Variants in STK32B observed in about 807,000 individuals in gnomAD.
STK32B encodes serine/threonine kinase 32B.
In STK32B, 43 loss-of-function variants were observed where a neutral mutation model predicts 52.6. That is an observed-to-expected ratio of 0.82 (90% CI 0.64 to 1.05). STK32B has a LOEUF of 1.05. STK32B is among the 50% of genes least tolerant of loss of function. The pLI is 0.00. For missense variants in STK32B, 621 were observed against 534.6 expected, an observed-to-expected ratio of 1.16 and a Z score of -1.59; for synonymous variants, 238 against 204.3, an observed-to-expected ratio of 1.17 and a Z score of -1.41.
At chr4:5,303,087 G>A (rs1729674509) in intron 3 of STK32B, among the ~76,000 whole-genome samples, 1 of 151,832 alleles carries the variant, frequency 6.6e-6, no homozygotes, top group Non-Finnish European at 1.5e-5. Context: ...TTGATTGATG[G>A]GCATTTGGGC....
intron 2 of STK32B, among the ~76,000 whole-genome samples, chr4:5,154,810 G>A (rs972185137): frequency 2.6e-5 from 4 of 152,220 alleles, no homozygotes; most frequent in Non-Finnish European, 4.4e-5. Flanking sequence ...TAAAGGCTCA[G>A]TAAGTGCTGG....
chr4:5,265,823 A>C (rs949967488), intron 3 of STK32B, among the ~76,000 whole-genome samples: 2 of 152,034 alleles, frequency 1.3e-5, no homozygotes, highest in Admixed American at 6.6e-5. Context: ...TTGATATTCC[A>C]AGTGTTTTCC....
At chr4:5,131,518 C>A (rs183014507) in intron 1 of STK32B, among the ~76,000 whole-genome samples, 2 of 152,292 alleles carry the variant, frequency 1.3e-5, no homozygotes, top group African/African-American at 4.8e-5. Context: ...AGAGCCCTTA[C>A]CCCAGCCTGT....
Position 5,144,804 on chromosome 4 carries a change from C to T in STK32B, c.108+4844C>T, listed in dbSNP as rs556663120. 1.2e-3 allele frequency among the ~76,000 whole-genome samples: 171 copies of T among 147,414 alleles called. 2 individuals carry two copies. Among genetic ancestry groups the T allele is most frequent in the African/African-American group, 4.4e-3 (163 of 37,108 alleles). Reference sequence around the variant, plus strand: ...TTCACTCATCCATCCATCCATCCATCCATCCATCCATCCATCCATCCATCC... The same window carrying T: ...TTCACTCATCCATCCATCCATCCATTCATCCATCCATCCATCCATCCATCC... On this transcript the variant is annotated intron_variant, in intron 2 of 11. Coordinates refer to ENST00000282908, the MANE Select transcript of STK32B (RefSeq NM_018401.3).
At chr4:5,104,485 TTTG>T (rs760071120) in intron 1 of STK32B, among the ~76,000 whole-genome samples, 1 of 152,224 alleles carries the variant, frequency 6.6e-6, no homozygotes, top group Non-Finnish European at 1.5e-5. Flanking sequence ...CTATTTCTAG[TTTG>T]TTAAGTGTTT....
chr4:5,383,714 G>A (rs1382791603), intron 4 of STK32B, among the ~76,000 whole-genome samples: 3 of 152,200 alleles, frequency 2.0e-5, no homozygotes, highest in African/African-American at 7.2e-5. Flanking sequence ...TGAAAAGACA[G>A]GTGATGAGGC....
At chr4:5,225,411 A>AAAAAT (rs1296391511) in intron 3 of STK32B, among the ~76,000 whole-genome samples, 4 of 152,190 alleles carry the variant, frequency 2.6e-5, no homozygotes, top group Non-Finnish European at 5.9e-5. Flanking sequence ...CGTCTCGAAA[A>AAAAAT]AAAATAAAAT....
Position 5,460,043 on chromosome 4 carries a change from G to C in STK32B, c.784-60G>C. The stretch of plus-strand genomic sequence containing the variant: ...TTGCCCTGAGACCCCCTCCTTCAGA[G>C]TCCCCGCTAACCTTGAGGGATGCCC... On this transcript the variant is annotated intron_variant, in intron 8 of 11. Transcript: ENST00000282908. The surrounding 1 kb of genome is among the most constrained non-coding windows in gnomAD (Gnocchi z 4.8). 6.2e-7 allele frequency: 1 copy of C among 1,613,614 alleles called. No homozygotes were observed. The highest frequency in any genetic ancestry group is 8.5e-7 in the Non-Finnish European group (1 of 1,179,724).
At chr4:5,150,275 C>A (rs1717239612) in intron 2 of STK32B, among the ~76,000 whole-genome samples, 1 of 152,064 alleles carries the variant, frequency 6.6e-6, no homozygotes, top group African/African-American at 2.4e-5. Flanking sequence ...AGTCATATTA[C>A]CTTTTATATC....
intron 3 of STK32B, among the ~76,000 whole-genome samples, chr4:5,199,296 T>C (rs538276763): frequency 2.0e-4 from 30 of 152,306 alleles, no homozygotes; most frequent in African/African-American, 5.1e-4. Context: ...GAAGGACTAA[T>C]AAGGTGTAGC....
Position 5,460,336 on chromosome 4 carries a change from C to A in STK32B, c.909+108C>A. On this transcript the variant is annotated intron_variant, in intron 9 of 11. Coordinates refer to ENST00000282908, the MANE Select transcript of STK32B (RefSeq NM_018401.3). The surrounding 1 kb of genome is among the most constrained non-coding windows in gnomAD (Gnocchi z 4.8). ...TAGTGAGCCCTCTGCTGGCCACTTC[C>A]ACCTGAGCACCAAGGGCTTATGTCT... 1 of 1,475,454 alleles carries A rather than the reference C, an allele frequency of 6.8e-7. No homozygotes were observed. The highest frequency in any genetic ancestry group is 1.3e-5 in the South Asian group (1 of 74,226). 91.4% of individuals were successfully genotyped at this position (1,475,454 alleles called of 1,614,324 possible).
intron 3 of STK32B, among the ~76,000 whole-genome samples, chr4:5,182,343 C>G (rs979751066): frequency 6.6e-6 from 1 of 152,184 alleles, no homozygotes; most frequent in Non-Finnish European, 1.5e-5. Flanking sequence ...CACAGATGTT[C>G]TTAATGGCAT....
At chr4:5,451,757 C>T (rs538662895) in intron 7 of STK32B, among the ~76,000 whole-genome samples, 1 of 152,152 alleles carries the variant, frequency 6.6e-6, no homozygotes, top group Non-Finnish European at 1.5e-5. Flanking sequence ...CCAGTTATGA[C>T]AATCCAAAAT....
At chr4:5,324,081 C>T (rs1253675886) in intron 3 of STK32B, among the ~76,000 whole-genome samples, 1 of 152,240 alleles carries the variant, frequency 6.6e-6, no homozygotes, top group Non-Finnish European at 1.5e-5. Flanking sequence ...AGGCCGGGCA[C>T]GGCAGCTCAC....
At chr4:5,344,903 A>T (rs1230348014) in intron 4 of STK32B, among the ~76,000 whole-genome samples, 1 of 152,128 alleles carries the variant, frequency 6.6e-6, no homozygotes, top group Non-Finnish European at 1.5e-5. Flanking sequence ...CCTGGGCAAC[A>T]TGGCAAAAAC....
At chr4:5,132,421 AATGCCCTGTGAC>A (rs1212568139) in intron 1 of STK32B, among the ~76,000 whole-genome samples, 1 of 152,200 alleles carries the variant, frequency 6.6e-6, no homozygotes, top group East Asian at 1.9e-4. Context: ...TCTATACACC[AATGCCCTGTGAC>A]ATGCAGTTTA....
intron 3 of STK32B, among the ~76,000 whole-genome samples, chr4:5,173,917 T>C (rs1325441933): frequency 1.1e-4 from 17 of 152,166 alleles, no homozygotes; most frequent in African/African-American, 3.9e-4. Flanking sequence ...TAAAGTCTCC[T>C]ATTATTATGG....
intron 6 of STK32B, among the ~76,000 whole-genome samples, chr4:5,417,882 G>A (rs1712292820): frequency 6.6e-6 from 1 of 152,206 alleles, no homozygotes; most frequent in Non-Finnish European, 1.5e-5. Context: ...GGTCAGCTGG[G>A]AGCTAGGTTC....
chr4:5,460,059 A>C lies in STK32B; in HGVS notation c.784-44A>C, dbSNP rs1386345471. On this transcript the variant is annotated intron_variant, in intron 8 of 11. Transcript: ENST00000282908. The surrounding 1 kb of genome is among the most constrained non-coding windows in gnomAD (Gnocchi z 4.8). ...TCCTTCAGAGTCCCCGCTAACCTTG[A>C]GGGATGCCCAATTCATGGAAACTCA... is the stretch of plus-strand genomic sequence containing the variant. 1.9e-6 allele frequency: 3 copies of C among 1,614,116 alleles called. No homozygotes were observed. Among genetic ancestry groups the C allele is most frequent in the Non-Finnish European group, 2.5e-6 (3 of 1,180,004 alleles).
Sources: gnomAD v4.1 joint callset for allele counts (sites outside exome capture counted in the v4.1 genomes callset) on GRCh38, gnomAD v4.1.1 for gene constraint, Gnocchi (gnomAD v3.1) non-coding constraint, MANE v1.5 for transcripts, NCBI Gene and HGNC (gene_info 2026-07-23, HGNC 2026-07-21) for gene names.